The following DTNA variants were observed in gnomAD, a reference collection of about 807,000 sequenced individuals.
DTNA encodes the protein dystrobrevin alpha.
Under a neutral mutation model 100.7 loss-of-function variants are expected in DTNA, and 43 were observed. The observed-to-expected ratio is 0.43, with a 90% CI of 0.33 to 0.55. The LOEUF (loss-of-function observed/expected upper bound fraction) is 0.55. DTNA is among the 20% of genes least tolerant of loss of function. The pLI, the probability that DTNA is intolerant of heterozygous loss-of-function variation, is 0.04. For synonymous variants in DTNA, 349 were observed against 347.9 expected (o/e 1.00, Z -0.04); for missense variants, 798 against 953.9 (o/e 0.84, Z 2.15).
chr18:34,686,798 C>T (rs572718779), intron 1 of DTNA, among the ~76,000 whole-genome samples: 1 of 152,078 alleles, frequency 6.6e-6, no homozygotes, highest in South Asian at 2.1e-4. Context: ...TGGTGGTAGA[C>T]TATTAATTAC....
chr18:34,499,160 C>T (rs189943449), intron 1 of DTNA, among the ~76,000 whole-genome samples: 325 of 152,262 alleles, frequency 2.1e-3, no homozygotes, highest in Middle Eastern at 6.8e-3. Flanking sequence ...CCCCTTAATC[C>T]CTTGCAATCA....
chr18:34,596,884 G>T (rs573717224), intron 1 of DTNA, among the ~76,000 whole-genome samples: 1 of 152,064 alleles, frequency 6.6e-6, no homozygotes, highest in East Asian at 1.9e-4. Flanking sequence ...GCAAGTTGTG[G>T]GATACATGTG....
intron 1 of DTNA, among the ~76,000 whole-genome samples, chr18:34,725,819 T>C (rs1221451097): frequency 6.6e-6 from 1 of 152,172 alleles, no homozygotes; most frequent in Non-Finnish European, 1.5e-5. Context: ...TGCAGCACTG[T>C]TCACAATAGC....
intron 1 of DTNA, among the ~76,000 whole-genome samples, chr18:34,570,353 GAC>G (rs142511915): frequency 1.3e-3 from 197 of 152,254 alleles, no homozygotes; most frequent in African/African-American, 4.6e-3. Flanking sequence ...TGAAAGCAGC[GAC>G]AGAGTCTTAA....
At chr18:34,621,381 C>T (rs1289175177) in intron 1 of DTNA, among the ~76,000 whole-genome samples, 1 of 152,004 alleles carries the variant, frequency 6.6e-6, no homozygotes, top group African/African-American at 2.4e-5. Flanking sequence ...CTCCCACGTT[C>T]ACTGTAGCAT....
chr18:34,556,579 C>G (rs1041921708), intron 1 of DTNA, among the ~76,000 whole-genome samples: 5 of 152,118 alleles, frequency 3.3e-5, no homozygotes, highest in Admixed American at 6.5e-5. Context: ...GTGACAAAAT[C>G]TGTCAGCATT....
At chr18:34,700,296 TA>T (rs1386785867) in intron 1 of DTNA, among the ~76,000 whole-genome samples, 2 of 152,296 alleles carry the variant, frequency 1.3e-5, no homozygotes, top group African/African-American at 4.8e-5. Flanking sequence ...TAGAGCTGGT[TA>T]CCTTCAGGAA....
chr18:34,572,889 TCA>T (rs1251698284), intron 1 of DTNA, among the ~76,000 whole-genome samples: 1 of 152,182 alleles, frequency 6.6e-6, no homozygotes, highest in Non-Finnish European at 1.5e-5. Context: ...AGCTTAAGAA[TCA>T]CACAGATATA....
At position 34,880,220 on chromosome 18, in the gene DTNA, A is replaced by G. The variant is rs532068577; in HGVS notation, c.2162+501A>G. On this transcript the variant is annotated intron_variant, in intron 20 of 22. Transcript: ENST00000444659. ...GAAATCCAGTTTGGTTGACTTGTTG[A>G]ATTTGTATGAATCTGACCCTCCAAA... 2.0e-5 allele frequency among the ~76,000 whole-genome samples: 3 copies of G among 152,314 alleles called. No individual in the cohort carries two copies. In the South Asian group the frequency reaches 6.2e-4, roughly 32 times the overall value.
rs765649382 is a variant in DTNA, at chr18:34,879,684, C to G, written c.2127C>G (p.His709Gln). 8.7e-6 allele frequency: 14 copies of G among 1,613,974 alleles called. No homozygotes were observed. Among genetic ancestry groups the G allele is most frequent in the Non-Finnish European group, 1.1e-5 (13 of 1,179,992 alleles). ...QIHARKPGYI[H>Q]SGATTSTMRG... ...ATGCCCGAAAACCTGGGTACATTCA[C>G]AGTGGAGCTACCACAAGTACCATGC... is the stretch of plus-strand genomic sequence containing the variant. Residue 709 changes from histidine (H) to glutamine (Q), a missense_variant, in exon 20 of 23, where the codon CAC becomes CAG. Transcript: ENST00000444659.
intron 1 of DTNA, among the ~76,000 whole-genome samples, chr18:34,697,790 T>G (rs924436942): frequency 6.6e-6 from 1 of 152,038 alleles, no homozygotes; most frequent in Non-Finnish European, 1.5e-5. Context: ...TTGTCTCGCT[T>G]GTGGCCTGCC....
At chr18:34,552,083 T>C (rs1194798694) in intron 1 of DTNA, among the ~76,000 whole-genome samples, 1 of 152,084 alleles carries the variant, frequency 6.6e-6, no homozygotes, top group Admixed American at 6.6e-5. Context: ...TATAATGTCC[T>C]TCCCAAGCCA....
intron 1 of DTNA, among the ~76,000 whole-genome samples, chr18:34,580,783 C>A (rs2048537865): frequency 6.6e-6 from 1 of 152,210 alleles, no homozygotes; most frequent in South Asian, 2.1e-4. Flanking sequence ...ACCTCTGCAC[C>A]TTGAGGGGAT....
At chr18:34,509,985 A>G (rs532397676) in intron 1 of DTNA, among the ~76,000 whole-genome samples, 1 of 152,002 alleles carries the variant, frequency 6.6e-6, no homozygotes, top group Non-Finnish European at 1.5e-5. Context: ...GTGGTTATAA[A>G]AGCAAAATAA....
intron 1 of DTNA, among the ~76,000 whole-genome samples, chr18:34,570,218 T>C (rs2047458398): frequency 6.6e-6 from 1 of 152,142 alleles, no homozygotes; most frequent in Non-Finnish European, 1.5e-5. Context: ...TTTAGGGAGT[T>C]TTTTCGTTCA....
At chr18:34,502,456 G>A (rs773776525) in intron 1 of DTNA, among the ~76,000 whole-genome samples, 69 of 151,858 alleles carry the variant, frequency 4.5e-4, no homozygotes, top group Non-Finnish European at 4.1e-4. Flanking sequence ...TAAGATTATT[G>A]GTTTGAGATT....
chr18:34,516,070 G>A (rs2041579222), intron 1 of DTNA, among the ~76,000 whole-genome samples: 1 of 151,926 alleles, frequency 6.6e-6, no homozygotes, highest in Non-Finnish European at 1.5e-5. Context: ...AGCTATTGGG[G>A]GAACCACCCC....
At chr18:34,665,773 T>A in intron 1 of DTNA, among the ~76,000 whole-genome samples, 1 of 152,224 alleles carries the variant, frequency 6.6e-6, no homozygotes, top group South Asian at 2.1e-4. Flanking sequence ...TATGGCTGCA[T>A]AGTATTCCAT....
chr18:34,572,818 G>A (rs1350125405), intron 1 of DTNA, among the ~76,000 whole-genome samples: 1 of 152,132 alleles, frequency 6.6e-6, no homozygotes. Flanking sequence ...ATACAGCTAG[G>A]TGGTTCATCT....
Sources: allele counts gnomAD v4.1 joint callset (sites outside exome capture counted in the v4.1 genomes callset), GRCh38; gene constraint gnomAD v4.1.1; transcripts MANE v1.5; gene names NCBI Gene and HGNC (gene_info 2026-07-23, HGNC 2026-07-21).